PPP6R3: variants seen among roughly 807,000 people sequenced by gnomAD.
PPP6R3 encodes serine/threonine-protein phosphatase 6 regulatory subunit 3.
PPP6R3 carries 38 observed loss-of-function variants against 110.7 expected under a neutral mutation model. The ratio of observed to expected loss-of-function variants is 0.34; its 90% confidence interval spans 0.26 to 0.45. The LOEUF is 0.45. Ranked by LOEUF, PPP6R3 falls within the 20% of genes least tolerant of loss-of-function variation. The probability of loss-of-function intolerance (pLI) is 1.00; values close to 1 mark genes in which losing one functional copy is unlikely to be tolerated. For synonymous variants in PPP6R3, 369 were observed against 373.5 expected, an observed-to-expected ratio of 0.99 and a Z score of 0.14; for missense variants, 870 against 1,062.4, an observed-to-expected ratio of 0.82 and a Z score of 2.52.
chr11:68,570,947 ATAC>A (rs1419059383), intron 11 of PPP6R3, 90 bp from the exon 12 acceptor site: 1 of 1,440,524 alleles, frequency 6.9e-7, no homozygotes, highest in Non-Finnish European at 9.2e-7. Context: ...TAGATTATGC[ATAC>A]TACTATTCTC....
intron 1 of PPP6R3, among the ~76,000 whole-genome samples, chr11:68,471,422 T>G (rs1260032850): frequency 2.0e-5 from 3 of 151,864 alleles, no homozygotes; most frequent in Admixed American, 2.0e-4. Flanking sequence ...TTTGAGGCCT[T>G]AGGAAAGTGT....
intron 4 of PPP6R3, among the ~76,000 whole-genome samples, chr11:68,545,331 A>T (rs2099345176): frequency 6.6e-6 from 1 of 152,256 alleles, no homozygotes; most frequent in African/African-American, 2.4e-5. Flanking sequence ...TAAGATGGCA[A>T]GTATAATAAC....
chr11:68,566,920 T>A (rs1472744714), intron 9 of PPP6R3, 94 bp from the exon 10 acceptor site: 17 of 1,079,322 alleles, frequency 1.6e-5, no homozygotes, highest in Admixed American at 6.4e-5. Context: ...GGCCATGTTG[T>A]TTGCAGGGTT....
intron 15 of PPP6R3, 192 bp from the exon 16 acceptor site, chr11:68,587,735 C>A (rs1264623844): frequency 4.5e-6 from 3 of 664,514 alleles, no homozygotes; most frequent in East Asian, 2.8e-5. Flanking sequence ...GATTTGTAGA[C>A]CAAATTTCAA....
At chr11:68,461,558 G>A (rs2098708096) in intron 1 of PPP6R3, among the ~76,000 whole-genome samples, 1 of 152,064 alleles carries the variant, frequency 6.6e-6, no homozygotes, top group Non-Finnish European at 1.5e-5. Context: ...CCCATTCACT[G>A]TTTACTTGGA....
At chr11:68,465,874 A>C (rs945065135) in intron 1 of PPP6R3, among the ~76,000 whole-genome samples, 7 of 152,170 alleles carry the variant, frequency 4.6e-5, no homozygotes, top group Non-Finnish European at 1.0e-4. Context: ...AGATAGTTAC[A>C]CTTTGTTACT....
At chr11:68,592,127 A>G (rs1028781669) in intron 18 of PPP6R3, among the ~76,000 whole-genome samples, 1 of 152,188 alleles carries the variant, frequency 6.6e-6, no homozygotes, top group African/African-American at 2.4e-5. Flanking sequence ...GGCCATGTCA[A>G]TTAATATATC....
chr11:68,552,162 G>C (rs1477477567), intron 6 of PPP6R3, among the ~76,000 whole-genome samples: 2 of 151,394 alleles, frequency 1.3e-5, no homozygotes, highest in Admixed American at 6.6e-5. Context: ...TTTACCTACA[G>C]ACATGATAGT....
chr11:68,535,873 G>A (rs1345979651), intron 2 of PPP6R3, among the ~76,000 whole-genome samples: 1 of 151,786 alleles, frequency 6.6e-6, no homozygotes, highest in East Asian at 1.9e-4. Flanking sequence ...GGAGGCTGAG[G>A]TAGGGATTAC....
At chr11:68,609,546 T>G in intron 22 of PPP6R3, 1 of 1,525,452 alleles carries the variant, frequency 6.6e-7, no homozygotes, top group Non-Finnish European at 8.9e-7. Flanking sequence ...CCCAAATTCC[T>G]CATTTCTAGG....
At chr11:68,553,216 T>C (rs1222270391) in intron 6 of PPP6R3, among the ~76,000 whole-genome samples, 1 of 152,218 alleles carries the variant, frequency 6.6e-6, no homozygotes, top group African/African-American at 2.4e-5. Flanking sequence ...AGAGCTTTTC[T>C]GTAAGGTCAA....
intron 1 of PPP6R3, among the ~76,000 whole-genome samples, chr11:68,463,352 T>C (rs1030368909): frequency 6.6e-4 from 44 of 66,910 alleles, no homozygotes; most frequent in Admixed American, 2.7e-3. Context: ...AGACTCAGTC[T>C]CAGAAAAAAA....
intron 16 of PPP6R3, among the ~76,000 whole-genome samples, chr11:68,588,344 T>G (rs1025758381): frequency 1.3e-5 from 2 of 151,846 alleles, no homozygotes; most frequent in African/African-American, 4.8e-5. Flanking sequence ...ACCAAAAATA[T>G]AAAAAATTAG....
intron 1 of PPP6R3, among the ~76,000 whole-genome samples, chr11:68,506,519 A>G (rs1253026666): frequency 6.6e-6 from 1 of 151,430 alleles, no homozygotes; most frequent in Non-Finnish European, 1.5e-5. Flanking sequence ...ATTCATGTAT[A>G]CAATGCAGAA....
chr11:68,598,454 G>A (rs1050718078), intron 19 of PPP6R3, among the ~76,000 whole-genome samples: 1 of 152,144 alleles, frequency 6.6e-6, no homozygotes, highest in African/African-American at 2.4e-5. Flanking sequence ...CCTACCTCCC[G>A]GGGTTAAGTG....
rs1384634684 is a variant in PPP6R3, at chr11:68,499,959, T to C, written c.-157-19542T>C. 5.3e-5 allele frequency among the ~76,000 whole-genome samples: 8 copies of C among 152,332 alleles called. No homozygotes were observed. The East Asian group carries it at 1.5e-3, about 29-fold the overall frequency. On this transcript the variant is annotated intron_variant, in intron 1 of 23. Coordinates refer to ENST00000393800, the MANE Select transcript of PPP6R3 (RefSeq NM_001164161.2). ...CAGATGTATATATCGTGAATATCTT[T>C]ACCTATTCTGTGGGTCCTCATTCTG...
chr11:68,581,307 ATAG>A (rs1186419777), intron 14 of PPP6R3, among the ~76,000 whole-genome samples: 1 of 152,256 alleles, frequency 6.6e-6, no homozygotes, highest in Non-Finnish European at 1.5e-5. Context: ...TGTCTGGCAC[ATAG>A]TAGTTCAATA....
intron 1 of PPP6R3, among the ~76,000 whole-genome samples, chr11:68,500,950 C>T (rs149657961): frequency 1.3e-5 from 2 of 152,308 alleles, no homozygotes; most frequent in South Asian, 2.1e-4. Context: ...AAGGCACTTC[C>T]GCCGCCTTCC....
At chr11:68,542,504 G>A (rs1022798319) in intron 3 of PPP6R3, among the ~76,000 whole-genome samples, 5 of 146,784 alleles carry the variant, frequency 3.4e-5, no homozygotes, top group African/African-American at 5.0e-5. Flanking sequence ...AGTGATTCCT[G>A]TGCCTCAGCC....
Sources: allele counts gnomAD v4.1 joint callset (sites outside exome capture counted in the v4.1 genomes callset), GRCh38; gene constraint gnomAD v4.1.1; transcripts MANE v1.5; gene names NCBI Gene and HGNC (gene_info 2026-07-23, HGNC 2026-07-21).